MYOZ2: variants seen among roughly 807,000 people sequenced by gnomAD.
MYOZ2 encodes myozenin 2.
In MYOZ2, 19 loss-of-function variants were observed where a neutral mutation model predicts 25.4. The observed-to-expected ratio is 0.75, with a 90% CI of 0.52 to 1.10. The LOEUF is 1.10. Among genes scored for constraint, MYOZ2 ranks in the 50% least tolerant of loss-of-function variants. The pLI is 0.00. For synonymous variants in MYOZ2, 92 were observed against 106.9 expected, an observed-to-expected ratio of 0.86 and a Z score of 0.86; for missense variants, 270 against 317.9, an observed-to-expected ratio of 0.85 and a Z score of 1.15.
At chr4:119,157,034 A>C (rs1287783781) in intron 3 of MYOZ2, among the ~76,000 whole-genome samples, 1 of 152,196 alleles carries the variant, frequency 6.6e-6, no homozygotes, top group East Asian at 1.9e-4. Flanking sequence ...CTATAAAGTT[A>C]AATAAGTGTT....
At chr4:119,184,026 G>A (rs548481306) in intron 5 of MYOZ2, among the ~76,000 whole-genome samples, 1 of 152,142 alleles carries the variant, frequency 6.6e-6, no homozygotes. Context: ...TGTTGGTCAG[G>A]CTGGTCTCGA....
At chr4:119,155,243 C>T (rs6820140) in intron 3 of MYOZ2, among the ~76,000 whole-genome samples, 89,694 of 151,978 alleles carry the variant, frequency 0.59, 28,776 homozygotes, top group Non-Finnish European at 0.72. Flanking sequence ...AACTCCAACA[C>T]TGGAAATGAA....
chr4:119,157,140 A>G (rs1741592561), intron 3 of MYOZ2, among the ~76,000 whole-genome samples: 1 of 152,200 alleles, frequency 6.6e-6, no homozygotes, highest in South Asian at 2.1e-4. Context: ...AAAGAGTCAA[A>G]ATCAGTGTCT....
chr4:119,180,293 G>T (rs1028517678), intron 5 of MYOZ2, among the ~76,000 whole-genome samples: 4 of 152,042 alleles, frequency 2.6e-5, no homozygotes, highest in Non-Finnish European at 4.4e-5. Context: ...ACCCATCATT[G>T]TTGTTAGATC....
At chr4:119,141,263 A>G (rs79297533) in intron 2 of MYOZ2, among the ~76,000 whole-genome samples, 16,588 of 152,306 alleles carry the variant, frequency 0.11, 1,117 homozygotes, top group South Asian at 0.18. Context: ...TTGTCGTACT[A>G]CAATTATTTG....
At chr4:119,174,929 G>A (rs1299376614) in intron 5 of MYOZ2, among the ~76,000 whole-genome samples, 1 of 151,966 alleles carries the variant, frequency 6.6e-6, no homozygotes, top group Non-Finnish European at 1.5e-5. Flanking sequence ...AACTCCAGAC[G>A]TGCTGCCTTA....
intron 4 of MYOZ2, among the ~76,000 whole-genome samples, 165 bp from the exon 5 acceptor site, chr4:119,164,046 A>AAAATGTC (rs1741765347): frequency 6.6e-6 from 1 of 152,162 alleles, no homozygotes; most frequent in African/African-American, 2.4e-5. Context: ...CAGGAGCTCT[A>AAAATGTC]AAATGTCTAA....
In MYOZ2 at chr4:119,185,977, C is replaced by G; in HGVS notation, c.572C>G (p.Pro191Arg). The G allele has an allele frequency of 6.2e-7, 1 of 1,613,330 alleles. No individual in the cohort carries two copies. The highest frequency in any genetic ancestry group is 8.5e-7 in the Non-Finnish European group (1 of 1,179,840). ...DYRSFNRVAT[P>R]FGGFEKASRM... ...TTAATTTCCCACAGGGTTGCCACAC[C>G]ATTTGGAGGTTTTGAAAAAGCATCA... The change falls in exon 6 of 6, where the codon CCA becomes CGA. Residue 191 changes from proline (P) to arginine (R), a missense_variant. Pro to Arg is a moderately radical substitution (Grantham distance 103). Transcript: ENST00000307128.
At chr4:119,162,065 C>A (rs575767195) in intron 4 of MYOZ2, among the ~76,000 whole-genome samples, 2 of 152,202 alleles carry the variant, frequency 1.3e-5, no homozygotes, top group African/African-American at 4.8e-5. Flanking sequence ...AGACAAGACA[C>A]AGGAAAGAGA....
intron 5 of MYOZ2, among the ~76,000 whole-genome samples, chr4:119,173,370 G>A (rs1741984349): frequency 2.6e-5 from 4 of 152,138 alleles, no homozygotes; most frequent in African/African-American, 2.4e-5. Flanking sequence ...TCTTTCATTG[G>A]AAACGTTTGC....
chr4:119,170,825 A>T lies in MYOZ2; in HGVS notation c.560+6431A>T, dbSNP rs1289983767. Among the ~76,000 whole-genome samples the T allele has an allele frequency of 2.6e-5, 4 of 152,340 alleles. No individual in the cohort carries two copies. The East Asian group carries it at 7.7e-4, about 29-fold the overall frequency. On this transcript the variant is annotated intron_variant, in intron 5 of 5. Transcript: ENST00000307128. ...AAGACATCAAGCTTCAAGTTCAAGA[A>T]GTACTACAGCACCCAAGAAGGGTAA... is the stretch of plus-strand genomic sequence containing the variant.
chr4:119,161,081 G>C (rs539729136), intron 4 of MYOZ2, among the ~76,000 whole-genome samples: 1 of 151,916 alleles, frequency 6.6e-6, no homozygotes, highest in Non-Finnish European at 1.5e-5. Flanking sequence ...AGTATCCTCT[G>C]TCCTACTTTT....
intron 2 of MYOZ2, among the ~76,000 whole-genome samples, chr4:119,146,584 G>A (rs75709892): frequency 0.019 from 2,897 of 152,084 alleles, 97 homozygotes; most frequent in African/African-American, 0.066. Context: ...TGTGATCAGC[G>A]CTAACAATCT....
intron 1 of MYOZ2, 82 bp downstream of exon 1, chr4:119,136,064 C>T (rs547237782): frequency 9.9e-5 from 18 of 182,210 alleles, no homozygotes; most frequent in Admixed American, 3.3e-4. Context: ...TGGGCATTCT[C>T]TGCTTTAAAG....
At chr4:119,184,646 G>A (rs1375988688) in intron 5 of MYOZ2, among the ~76,000 whole-genome samples, 2 of 152,188 alleles carry the variant, frequency 1.3e-5, no homozygotes, top group Non-Finnish European at 2.9e-5. Context: ...TAAGAACTAA[G>A]ACTTTGATTA....
At chr4:119,159,498 A>G in intron 4 of MYOZ2, among the ~76,000 whole-genome samples, 1 of 152,186 alleles carries the variant, frequency 6.6e-6, no homozygotes. Flanking sequence ...TTAAAATAGG[A>G]CATCTTTCAA....
intron 4 of MYOZ2, among the ~76,000 whole-genome samples, chr4:119,159,920 G>C (rs1741668051): frequency 6.6e-6 from 1 of 152,126 alleles, no homozygotes; most frequent in Non-Finnish European, 1.5e-5. Flanking sequence ...TTTTAATGAA[G>C]TTCTCTGGTA....
chr4:119,145,069 A>G (rs542580594), intron 2 of MYOZ2, among the ~76,000 whole-genome samples: 6 of 152,080 alleles, frequency 3.9e-5, no homozygotes, highest in Non-Finnish European at 7.3e-5. Context: ...TAGCCCATTA[A>G]CATGGTGAAT....
chr4:119,176,861 T>A (rs1742084544), intron 5 of MYOZ2, among the ~76,000 whole-genome samples: 1 of 152,224 alleles, frequency 6.6e-6, no homozygotes, highest in East Asian at 1.9e-4. Flanking sequence ...ATGGGAATTA[T>A]CTTGAGCTCT....
Sources: allele counts gnomAD v4.1 joint callset (sites outside exome capture counted in the v4.1 genomes callset), GRCh38; gene constraint gnomAD v4.1.1; transcripts MANE v1.5; gene names NCBI Gene and HGNC (gene_info 2026-07-23, HGNC 2026-07-21).